The following TMPRSS6 variants were observed in gnomAD, a reference collection of about 807,000 sequenced individuals.
TMPRSS6 encodes the protein transmembrane serine protease 6.
A neutral mutation model predicts 101.5 loss-of-function variants in TMPRSS6; 67 were observed. The ratio of observed to expected loss-of-function variants is 0.66; its 90% CI spans 0.54 to 0.81. The LOEUF (loss-of-function observed/expected upper bound fraction) is 0.81. TMPRSS6 is among the 30% of genes least tolerant of loss of function. The pLI is 0.00. For synonymous variants in TMPRSS6, 453 were observed against 464.9 expected (o/e 0.97, Z 0.33); for missense variants, 1,034 against 1,088.7 (o/e 0.95, Z 0.71).
At position 37,073,514 on chromosome 22, in the gene TMPRSS6, C is replaced by G. The variant is rs376338678; in HGVS notation, c.1555+18G>C. ...TGCCTTTGGTGTCCCTCCAGACACT[C>G]GGCTAGGCCTGCCCTACCTTCCTGG... is the stretch of plus-strand genomic sequence containing the variant. On this transcript the variant is annotated intron_variant, in intron 13 of 17. Coordinates refer to ENST00000676104, the MANE Select transcript of TMPRSS6 (RefSeq NM_001374504.1). The G allele has an allele frequency of 6.4e-7, 1 of 1,574,740 alleles. No individual in the cohort carries two copies. Among genetic ancestry groups the G allele is most frequent in the Non-Finnish European group, 8.7e-7 (1 of 1,144,442 alleles).
At chr22:37,089,900 G>T in intron 6 of TMPRSS6, 118 bp from the exon 7 acceptor site, 1 of 963,098 alleles carries the variant, frequency 1.0e-6, no homozygotes, top group South Asian at 1.7e-5. Flanking sequence ...GGGGAGCCGG[G>T]TGGGGATAGC....
rs747880891 is a variant in TMPRSS6 at position 37,066,182 on chromosome 22, C to T, written c.2307G>A (p.Ala769=). 39 of 1,613,052 alleles carry T rather than the reference C, an allele frequency of 2.4e-5. No individual in the cohort carries two copies. Among genetic ancestry groups the T allele is most frequent in the South Asian group, 2.1e-4 (19 of 91,084 alleles). Residue 769 remains alanine, a synonymous_variant, in exon 18 of 18, where the codon GCG becomes GCA. Transcript: ENST00000676104. ...AGCCCAGGCCCCAGCTGACCAGCCCCGCCAGGAACCAGCGGCCACTGAGTG... is the reference window on the plus strand; with the variant it reads ...AGCCCAGGCCCCAGCTGACCAGCCCTGCCAGGAACCAGCGGCCACTGAGTG... ...CKALSGRWFL[A]GLVSWGLGCG...
chr22:37,068,355 G>A (rs1462282641), intron 16 of TMPRSS6, among the ~76,000 whole-genome samples: 2 of 152,216 alleles, frequency 1.3e-5, no homozygotes, highest in African/African-American at 4.8e-5. Flanking sequence ...TATCTCTGCG[G>A]CCCCGCCTGC....
chr22:37,106,226 C>T (rs1162895800), intron 1 of TMPRSS6, among the ~76,000 whole-genome samples: 1 of 151,884 alleles, frequency 6.6e-6, no homozygotes, highest in African/African-American at 2.4e-5. Flanking sequence ...GCTGCAAAGT[C>T]AAGCAGATTG....
rs755587050 is a variant in TMPRSS6 at position 37,070,906 on chromosome 22, C to A, written c.1672+10G>T. On this transcript the variant is annotated intron_variant, in intron 14 of 17. Transcript: ENST00000676104. ...AAGCTCCAGGGCCCCGGCAGCCAGG[C>A]AGGGCTCACCACAGTGCTCCTCATC... 1.9e-6 allele frequency: 3 copies of A among 1,612,198 alleles called. No homozygotes were observed. The highest frequency in any genetic ancestry group is 2.7e-5 in the African/African-American group (2 of 75,026).
At chr22:37,089,549 C>CCCCA in intron 7 of TMPRSS6, 29 bp downstream of exon 7, 1 of 1,258,006 alleles carries the variant, frequency 7.9e-7, no homozygotes. Context: ...TTCCAGCCCT[C>CCCCA]CCTCCTGCCC....
chr22:37,105,859 G>A (rs542638428), intron 1 of TMPRSS6, among the ~76,000 whole-genome samples: 1 of 152,148 alleles, frequency 6.6e-6, no homozygotes, highest in African/African-American at 2.4e-5. Flanking sequence ...TTTTTGTAGA[G>A]ACCAGGTCTC....
Position 37,086,283 on chromosome 22 carries a change from C to A in TMPRSS6, c.973G>T (p.Ala325Ser), listed in dbSNP as rs746433048. ...GCCCCAGGGACCCCTGACCTCTCACCCTGGAAGACCACCGGCTGCACGGAG... is the reference window on the plus strand; with the variant it reads ...GCCCCAGGGACCCCTGACCTCTCACACTGGAAGACCACCGGCTGCACGGAG... ...VLSVQPVVFQ[A>S]CEVNLTLDNR... The change falls in exon 8 of 18, where the codon GCC becomes TCC. Residue 325 changes from alanine to serine, a missense_variant and splice_region_variant. Coordinates refer to ENST00000676104, the MANE Select transcript of TMPRSS6 (RefSeq NM_001374504.1). The A allele has an allele frequency of 1.2e-6, 2 of 1,613,798 alleles. No individual in the cohort carries two copies. Among genetic ancestry groups the A allele is most frequent in the Non-Finnish European group, 1.7e-6 (2 of 1,179,976 alleles).
chr22:37,095,954 G>A lies in TMPRSS6; in HGVS notation c.541C>T (p.Pro181Ser). The change falls in exon 5 of 18, where the codon CCC becomes TCC. Residue 181 changes from proline to serine, a missense_variant. Transcript: ENST00000676104. ...LSTVNSSAAV[P>S]YRAEYEVDPE... The stretch of plus-strand genomic sequence containing the variant: ...TCCACTTCGTACTCGGCCCTGTAGG[G>A]GACGGCAGCCGAGCTGTTGACTGTG... 6.2e-7 allele frequency: 1 copy of A among 1,614,150 alleles called. No homozygotes were observed. Among genetic ancestry groups the A allele is most frequent in the Non-Finnish European group, 8.5e-7 (1 of 1,180,036 alleles).
intron 11 of TMPRSS6, 124 bp downstream of exon 11, chr22:37,075,011 A>C (rs1048916755): frequency 1.3e-6 from 2 of 1,516,728 alleles, no homozygotes; most frequent in Non-Finnish European, 1.8e-6. Context: ...ACACACACAC[A>C]CACACTCTCT....
chr22:37,072,229 TGGATGATGGATG>T (rs1927033870), intron 13 of TMPRSS6, among the ~76,000 whole-genome samples: 1 of 70,814 alleles, frequency 1.4e-5, no homozygotes. Context: ...GATGGATGGA[TGGATGATGGATG>T]GATGGATGAT....
At chr22:37,081,235 C>T (rs967468535) in intron 10 of TMPRSS6, among the ~76,000 whole-genome samples, 20 of 152,214 alleles carry the variant, frequency 1.3e-4, no homozygotes, top group Admixed American at 1.3e-3. Flanking sequence ...GACCTAAGCC[C>T]GCGTGTGCAA....
At position 37,065,838 on chromosome 22, in the gene TMPRSS6, C is replaced by A. The variant is rs1166141951; in HGVS notation, c.*242G>T. The A allele has an allele frequency of 5.2e-6, 3 of 575,344 alleles. No homozygotes were observed. The highest frequency in any genetic ancestry group is 1.9e-5 in the African/African-American group (1 of 53,436). 35.6% of individuals were successfully genotyped at this position (575,344 alleles called of 1,614,324 possible). On this transcript the variant is annotated 3_prime_UTR_variant, in exon 18 of 18. Coordinates refer to ENST00000676104, the MANE Select transcript of TMPRSS6 (RefSeq NM_001374504.1). ...GGACGGAGGAGAGAGAATTGGGAGG[C>A]AGAAGGGCTGGGTGTGGGCCTGGGT...
At chr22:37,090,690 C>A (rs1182063089) in intron 6 of TMPRSS6, among the ~76,000 whole-genome samples, 2 of 152,220 alleles carry the variant, frequency 1.3e-5, no homozygotes, top group Non-Finnish European at 2.9e-5. Context: ...CCAGCCACCA[C>A]CTAATCTTTC....
chr22:37,093,094 T>G (rs1929415973), intron 6 of TMPRSS6, among the ~76,000 whole-genome samples: 1 of 152,176 alleles, frequency 6.6e-6, no homozygotes, highest in Admixed American at 6.5e-5. Flanking sequence ...GGGCCTGGCA[T>G]GAAGGAAGTG....
chr22:37,085,171 G>A (rs542565796), intron 8 of TMPRSS6, among the ~76,000 whole-genome samples: 1 of 152,344 alleles, frequency 6.6e-6, no homozygotes, highest in East Asian at 1.9e-4. Flanking sequence ...GCCTCACGGT[G>A]GTGGCTGGGG....
rs1489488011 is a variant in TMPRSS6 at position 37,089,622 on chromosome 22, G to A, written c.792C>T (p.Ala264=). ...CCAGGGGCCCGGCCACGTCATACATGGCCAGTCGGTCCCGGCACTCTGCCA... is the reference window on the plus strand; with the variant it reads ...CCAGGGGCCCGGCCACGTCATACATAGCCAGTCGGTCCCGGCACTCTGCCA... ...WTLAECRDRL[A]MYDVAGPLEK... The change falls in exon 7 of 18, where the codon GCC becomes GCT. Residue 264 remains alanine, a synonymous_variant. Transcript: ENST00000676104. 8.2e-6 allele frequency: 13 copies of A among 1,584,076 alleles called. No individual in the cohort carries two copies. In the East Asian group the frequency reaches 2.8e-4, roughly 34 times the overall value.
chr22:37,103,750 G>A lies in TMPRSS6; in HGVS notation c.-1-332C>T, dbSNP rs1930535076. The A allele has an allele frequency of 3.0e-6, 2 of 677,840 alleles. No homozygotes were observed. The highest frequency in any genetic ancestry group is 5.2e-6 in the Non-Finnish European group (2 of 382,570). 42.0% of individuals were successfully genotyped at this position (677,840 alleles called of 1,614,324 possible). A position where few individuals can be genotyped will look rare whatever the true frequency, so the allele number is the denominator to read the frequency against. On this transcript the variant is annotated intron_variant, in intron 1 of 17. Coordinates refer to ENST00000676104, the MANE Select transcript of TMPRSS6 (RefSeq NM_001374504.1). This position sits in a 1 kb window ranked among gnomAD's most constrained non-coding sequence, Gnocchi z 4.4. ...CACCTCCCTAGAGGCTGCACCCACA[G>A]ACAGAACTGAAGTACATGGGGTGCA...
At position 37,089,567 on chromosome 22, in the gene TMPRSS6, C is replaced by T. The variant is rs1929052557; in HGVS notation, c.836+11G>A. The T allele has an allele frequency of 2.5e-6, 4 of 1,602,428 alleles. No individual in the cohort carries two copies. The highest frequency in any genetic ancestry group is 1.3e-5 in the African/African-American group (1 of 74,778). On this transcript the variant is annotated intron_variant, in intron 7 of 17. Coordinates refer to ENST00000676104, the MANE Select transcript of TMPRSS6 (RefSeq NM_001374504.1). The stretch of plus-strand genomic sequence containing the variant: ...CAGCCCTCCCTCCTGCCCTCCTTCC[C>T]AGGGACTCACGAGGTGATGAGCCTC...
Sources: gnomAD v4.1 joint callset for allele counts (sites outside exome capture counted in the v4.1 genomes callset) on GRCh38, gnomAD v4.1.1 for gene constraint, Gnocchi (gnomAD v3.1) non-coding constraint, MANE v1.5 for transcripts, NCBI Gene and HGNC (gene_info 2026-07-23, HGNC 2026-07-21) for gene names.